Variants in MYO1B observed in about 807,000 individuals in gnomAD.
MYO1B encodes unconventional myosin-Ib.
A neutral mutation model predicts 159.7 loss-of-function variants in MYO1B; 72 were observed. That is an observed-to-expected ratio of 0.45 (90% CI 0.37 to 0.55). MYO1B has a LOEUF of 0.55. MYO1B is among the 20% of genes least tolerant of loss of function. The pLI, the probability that MYO1B is intolerant of heterozygous loss-of-function variation, is 0.00. For missense variants in MYO1B, 1,062 were observed against 1,364.8 expected, an observed-to-expected ratio of 0.78 and a Z score of 3.50; for synonymous variants, 468 against 473.8, an observed-to-expected ratio of 0.99 and a Z score of 0.16.
At position 191,302,670 on chromosome 2, in the gene MYO1B, T is replaced by C. The variant is rs145326148; in HGVS notation, c.251+6444T>C. 3.9e-4 allele frequency among the ~76,000 whole-genome samples: 60 copies of C among 152,326 alleles called. 5 individuals are homozygous for C. The East Asian group carries it at 0.011, about 29-fold the overall frequency. On this transcript the variant is annotated intron_variant, in intron 3 of 30. Coordinates refer to ENST00000392318, the MANE Select transcript of MYO1B (RefSeq NM_001130158.3). ...TGGTGGTCATAGCCCAGGAGTGAGC[T>C]GAGATGTGTCCTTCTTAAGTTAGGA...
At chr2:191,252,363 C>T (rs190521774) in intron 1 of MYO1B, among the ~76,000 whole-genome samples, 2 of 152,318 alleles carry the variant, frequency 1.3e-5, no homozygotes, top group African/African-American at 4.8e-5. Context: ...CTGTGACATT[C>T]AGGAAGGAAA....
In MYO1B at chr2:191,400,484, C is replaced by G. The variant is rs1300258144; in HGVS notation, c.2382+16C>G. The G allele has an allele frequency of 6.2e-7, 1 of 1,613,866 alleles. No homozygotes were observed. The highest frequency in any genetic ancestry group is 8.5e-7 in the Non-Finnish European group (1 of 1,179,760). ...TGGGACCCAGGTAGGCCCGAGACCC[C>G]AAGGAAGGCGGTGGGTCAGCAGTAA... On this transcript the variant is annotated intron_variant, in intron 22 of 30. Transcript: ENST00000392318.
intron 1 of MYO1B, among the ~76,000 whole-genome samples, chr2:191,274,547 T>C (rs190272119): frequency 6.6e-6 from 1 of 152,204 alleles, no homozygotes; most frequent in Non-Finnish European, 1.5e-5. Flanking sequence ...CCTTCTCAGG[T>C]TGACTTCCCC....
intron 7 of MYO1B, among the ~76,000 whole-genome samples, chr2:191,353,202 T>C (rs1693033075): frequency 1.3e-5 from 2 of 152,198 alleles, no homozygotes; most frequent in East Asian, 1.9e-4. Flanking sequence ...AGATAAAATA[T>C]AGAAGCACAT....
At chr2:191,290,167 C>A (rs1185560742) in intron 2 of MYO1B, among the ~76,000 whole-genome samples, 1 of 152,216 alleles carries the variant, frequency 6.6e-6, no homozygotes, top group African/African-American at 2.4e-5. Flanking sequence ...GCTCTTGGGT[C>A]TTACTATAAA....
At chr2:191,341,849 T>C (rs1263733955) in intron 5 of MYO1B, among the ~76,000 whole-genome samples, 1 of 152,228 alleles carries the variant, frequency 6.6e-6, no homozygotes, top group Non-Finnish European at 1.5e-5. Flanking sequence ...AATAATCAAC[T>C]GATCATTTGC....
chr2:191,350,483 A>G (rs892896702), intron 7 of MYO1B: 3 of 249,614 alleles, frequency 1.2e-5, no homozygotes, highest in African/African-American at 6.8e-5. Context: ...ACTGTTTTTT[A>G]TATTCTATAG....
intron 3 of MYO1B, among the ~76,000 whole-genome samples, chr2:191,317,682 C>G (rs766398934): frequency 6.6e-6 from 1 of 152,112 alleles, no homozygotes; most frequent in Non-Finnish European, 1.5e-5. Flanking sequence ...GACTGTTTGC[C>G]TGTGTCTTCA....
chr2:191,278,332 T>C (rs547132208), intron 2 of MYO1B, among the ~76,000 whole-genome samples: 14 of 152,366 alleles, frequency 9.2e-5, no homozygotes, highest in African/African-American at 3.4e-4. Flanking sequence ...TCTGTCCTTA[T>C]GACCTAGTCA....
intron 30 of MYO1B, 139 bp downstream of exon 30, chr2:191,416,381 G>A (rs2126183444): frequency 1.0e-6 from 1 of 993,826 alleles, no homozygotes; most frequent in Non-Finnish European, 1.5e-6. Context: ...TGATAAATGG[G>A]CAGTGAATGA....
chr2:191,285,299 G>A (rs1013690346), intron 2 of MYO1B, among the ~76,000 whole-genome samples: 3 of 152,166 alleles, frequency 2.0e-5, no homozygotes, highest in Admixed American at 6.5e-5. Flanking sequence ...GTATTTCAGC[G>A]TGGCGTTGAA....
chr2:191,364,918 A>G (rs867025213), intron 11 of MYO1B, among the ~76,000 whole-genome samples: 12 of 150,504 alleles, frequency 8.0e-5, no homozygotes, highest in Middle Eastern at 6.8e-3. Flanking sequence ...AACTGGAAAC[A>G]TGGAGTTGTC....
rs1259442060 is a variant in MYO1B at position 191,386,057 on chromosome 2, C to T, written c.1527C>T (p.Cys509=). The T allele has an allele frequency of 6.2e-7, 1 of 1,613,948 alleles. No individual in the cohort carries two copies. The highest frequency in any genetic ancestry group is 8.5e-7 in the Non-Finnish European group (1 of 1,179,990). ...FLNDTSLPHS[C]FRIQHYAGKV... ...ATGACACGTCTCTGCCTCACAGCTGCTTCAGGATCCAGCATTATGCTGGAA... is the reference window on the plus strand; with the variant it reads ...ATGACACGTCTCTGCCTCACAGCTGTTTCAGGATCCAGCATTATGCTGGAA... The change falls in exon 16 of 31, where the codon TGC becomes TGT. Residue 509 remains cysteine, a synonymous_variant. Coordinates refer to ENST00000392318, the MANE Select transcript of MYO1B (RefSeq NM_001130158.3).
At chr2:191,267,500 G>A (rs1687212390) in intron 1 of MYO1B, among the ~76,000 whole-genome samples, 1 of 152,166 alleles carries the variant, frequency 6.6e-6, no homozygotes, top group African/African-American at 2.4e-5. Flanking sequence ...TTTAAGGATT[G>A]GAAAATGAGA....
At chr2:191,417,133 C>A (rs1481391486) in intron 30 of MYO1B, among the ~76,000 whole-genome samples, 1 of 152,162 alleles carries the variant, frequency 6.6e-6, no homozygotes, top group African/African-American at 2.4e-5. Flanking sequence ...TATTCTGTTT[C>A]AACTCTTCCT....
At chr2:191,281,854 A>G (rs1688081646) in intron 2 of MYO1B, among the ~76,000 whole-genome samples, 1 of 152,200 alleles carries the variant, frequency 6.6e-6, no homozygotes, top group Non-Finnish European at 1.5e-5. Context: ...TCATCTAGAT[A>G]TAGGGGCCTG....
chr2:191,370,627 C>T (rs1694305196), intron 13 of MYO1B, among the ~76,000 whole-genome samples: 1 of 152,060 alleles, frequency 6.6e-6, no homozygotes, highest in African/African-American at 2.4e-5. Context: ...AATTTCTAAC[C>T]GTGAGGCTTC....
chr2:191,347,079 C>A (rs903601097), intron 6 of MYO1B, among the ~76,000 whole-genome samples: 1 of 152,164 alleles, frequency 6.6e-6, no homozygotes, highest in Non-Finnish European at 1.5e-5. Context: ...TCTCACATAC[C>A]TTACTGATTG....
chr2:191,330,517 T>C lies in MYO1B; in HGVS notation c.346+488T>C, dbSNP rs538609452. 2.0e-5 allele frequency among the ~76,000 whole-genome samples: 3 copies of C among 152,324 alleles called. No homozygotes were observed. In the East Asian group the frequency reaches 5.8e-4, roughly 29 times the overall value. ...TATGTATTTTTTAGACCTGGCAAGC[T>C]TCGCATAAAAAAACCCTCCAAATGG... On this transcript the variant is annotated intron_variant, in intron 4 of 30. Coordinates refer to ENST00000392318, the MANE Select transcript of MYO1B (RefSeq NM_001130158.3).
Sources: allele counts gnomAD v4.1 joint callset (sites outside exome capture counted in the v4.1 genomes callset), GRCh38; gene constraint gnomAD v4.1.1; transcripts MANE v1.5; gene names NCBI Gene and HGNC (gene_info 2026-07-23, HGNC 2026-07-21).